ENPP3: variants seen among roughly 807,000 people sequenced by gnomAD.
The protein encoded by ENPP3 is ectonucleotide pyrophosphatase/phosphodiesterase 3.
In ENPP3, 104 loss-of-function variants were observed where a neutral mutation model predicts 117.8. The observed-to-expected ratio is 0.88, with a 90% CI of 0.75 to 1.04. ENPP3 has a LOEUF of 1.04. ENPP3 is among the 50% of genes least tolerant of loss of function. The pLI is 0.00. For synonymous variants in ENPP3, 380 were observed against 349.9 expected (o/e 1.09, Z -0.96); for missense variants, 1,026 against 1,051.9 (o/e 0.98, Z 0.34).
intron 5 of ENPP3, among the ~76,000 whole-genome samples, 192 bp downstream of exon 5, chr6:131,653,083 G>T (rs1309832638): frequency 1.3e-5 from 2 of 152,006 alleles, no homozygotes; most frequent in African/African-American, 4.8e-5. Flanking sequence ...TTTTCACAAA[G>T]CCCTTTTATA....
intron 2 of ENPP3, among the ~76,000 whole-genome samples, chr6:131,648,043 C>T (rs557887178): frequency 5.3e-5 from 8 of 152,128 alleles, no homozygotes; most frequent in South Asian, 2.1e-4. Flanking sequence ...TGCTTCATAT[C>T]GTCAAATAAC....
chr6:131,729,751 G>A (rs774514430), intron 20 of ENPP3, among the ~76,000 whole-genome samples: 31 of 152,012 alleles, frequency 2.0e-4, no homozygotes, highest in Non-Finnish European at 3.5e-4. Flanking sequence ...GCATAATCTC[G>A]CCTGGATAAA....
intron 23 of ENPP3, 23 bp from the exon 24 acceptor site, chr6:131,740,201 A>T (rs763764171): frequency 1.3e-6 from 2 of 1,541,010 alleles, no homozygotes; most frequent in Non-Finnish European, 1.8e-6. Flanking sequence ...ACATCAAAAC[A>T]TGTTTTCAAT....
chr6:131,649,130 T>G (rs767897419), intron 2 of ENPP3, among the ~76,000 whole-genome samples: 5 of 152,232 alleles, frequency 3.3e-5, no homozygotes, highest in Non-Finnish European at 5.9e-5. Context: ...ATCTTCCTTA[T>G]GTCTACTGCT....
At chr6:131,675,688 G>A (rs1039246820) in intron 9 of ENPP3, among the ~76,000 whole-genome samples, 1 of 152,062 alleles carries the variant, frequency 6.6e-6, no homozygotes, top group Admixed American at 6.5e-5. Context: ...ACAAAAATTA[G>A]CTGGGCATGG....
chr6:131,679,021 C>CTTT (rs1562446833), intron 11 of ENPP3, among the ~76,000 whole-genome samples: 5 of 104,276 alleles, frequency 4.8e-5, no homozygotes, highest in South Asian at 3.4e-4. Flanking sequence ...TTCCTTCCTT[C>CTTT]CTTCCTTCTT....
At position 131,726,190 on chromosome 6, in the gene ENPP3, T is replaced by C; in HGVS notation, c.1943T>C (p.Val648Ala). 1 of 1,613,292 alleles carries C rather than the reference T, an allele frequency of 6.2e-7. No individual in the cohort carries two copies. Among genetic ancestry groups the C allele is most frequent in the Non-Finnish European group, 8.5e-7 (1 of 1,179,542 alleles). The change falls in exon 20 of 25, where the codon GTC (valine) becomes GCC (alanine). Residue 648 changes from valine to alanine, a missense_variant. Physicochemically the swap from Val to Ala is moderately conservative, Grantham distance 64. Coordinates refer to ENST00000357639, the MANE Select transcript of ENPP3 (RefSeq NM_005021.5). ...ATGCCCATGTGGAGTTCATACACAG[T>C]CCCCCAGTTGGTAAGTTCCTGAGTC... ...MRMPMWSSYT[V>A]PQLGDTSPLP...
At chr6:131,676,856 A>T in intron 10 of ENPP3, 55 bp downstream of exon 10, 1 of 1,200,848 alleles carries the variant, frequency 8.3e-7, no homozygotes, top group Non-Finnish European at 1.2e-6. Context: ...TGGGTAAAAA[A>T]TGAAGTTTTT....
intron 20 of ENPP3, among the ~76,000 whole-genome samples, chr6:131,727,953 A>G (rs1257927806): frequency 6.6e-6 from 1 of 152,224 alleles, no homozygotes; most frequent in Non-Finnish European, 1.5e-5. Flanking sequence ...TTGGAGAAAG[A>G]TAAGCATATT....
intron 2 of ENPP3, among the ~76,000 whole-genome samples, chr6:131,648,347 C>A (rs1420494514): frequency 6.6e-6 from 1 of 151,920 alleles, no homozygotes; most frequent in Non-Finnish European, 1.5e-5. Flanking sequence ...AACCACTTCA[C>A]TCCTGAGACA....
chr6:131,649,386 C>G (rs191554950), intron 2 of ENPP3, among the ~76,000 whole-genome samples: 26 of 152,258 alleles, frequency 1.7e-4, no homozygotes, highest in Admixed American at 1.6e-3. Context: ...GAACTCTACC[C>G]CTTAGCCATC....
At chr6:131,715,971 CTTT>C (rs1779880009) in intron 15 of ENPP3, among the ~76,000 whole-genome samples, 1 of 152,162 alleles carries the variant, frequency 6.6e-6, no homozygotes. Context: ...TGAGCAAGTG[CTTT>C]AAATGCTTGG....
At chr6:131,717,351 GGTGTGTGTGT>G (rs71030754) in intron 15 of ENPP3, among the ~76,000 whole-genome samples, 1,634 of 89,358 alleles carry the variant, frequency 0.018, 28 homozygotes, top group African/African-American at 0.09. Flanking sequence ...CCCTGCGGGG[GGTGTGTGTGT>G]GTGTGTGTGT....
chr6:131,722,098 C>T, intron 17 of ENPP3, 129 bp from the exon 18 acceptor site: 1 of 650,976 alleles, frequency 1.5e-6, no homozygotes, highest in Non-Finnish European at 2.6e-6. Context: ...ATATAGAGTA[C>T]ATAGCTTCGT....
intron 14 of ENPP3, among the ~76,000 whole-genome samples, chr6:131,686,440 C>A (rs1779155012): frequency 6.6e-6 from 1 of 152,086 alleles, no homozygotes; most frequent in Admixed American, 6.5e-5. Flanking sequence ...CTGGAATGGT[C>A]TTCTGTAATA....
intron 20 of ENPP3, among the ~76,000 whole-genome samples, chr6:131,731,032 A>G (rs1780269380): frequency 1.3e-5 from 2 of 151,586 alleles, no homozygotes; most frequent in African/African-American, 2.4e-5. Context: ...CTGCAACTTC[A>G]TCCTCTAGAT....
In ENPP3 at chr6:131,691,763, A is replaced by G. The variant is rs541193290; in HGVS notation, c.1285-1734A>G. On this transcript the variant is annotated intron_variant, in intron 14 of 24. Coordinates refer to ENST00000357639, the MANE Select transcript of ENPP3 (RefSeq NM_005021.5). ...ACACAAAGTCCAGGAAAGTGTGACA[A>G]TTACACACAGGGACAAATTATAGTT... 7.1e-4 allele frequency among the ~76,000 whole-genome samples: 108 copies of G among 152,282 alleles called. 3 individuals carry two copies. The South Asian group carries it at 0.015, about 21-fold the overall frequency.
chr6:131,701,905 A>AAAGG (rs1779544667), intron 15 of ENPP3, among the ~76,000 whole-genome samples: 1 of 102,152 alleles, frequency 9.8e-6, no homozygotes, highest in African/African-American at 3.5e-5. Flanking sequence ...AAAAGAAAAG[A>AAAGG]AAAAAAAAAC....
chr6:131,732,489 T>C (rs954472049), intron 20 of ENPP3, among the ~76,000 whole-genome samples: 1 of 152,102 alleles, frequency 6.6e-6, no homozygotes, highest in Admixed American at 6.5e-5. Flanking sequence ...CTCAGCTGAC[T>C]GCAACCTCCA....
Sources: gnomAD v4.1 joint callset for allele counts (sites outside exome capture counted in the v4.1 genomes callset) on GRCh38, gnomAD v4.1.1 for gene constraint, MANE v1.5 for transcripts, NCBI Gene and HGNC (gene_info 2026-07-23, HGNC 2026-07-21) for gene names.